BCR: variants seen among roughly 807,000 people sequenced by gnomAD.
BCR encodes BCR activator of RhoGEF and GTPase, also known as breakpoint cluster region protein.
A neutral mutation model predicts 138.6 loss-of-function variants in BCR; 58 were observed. The ratio of observed to expected loss-of-function variants is 0.42; its 90% CI spans 0.34 to 0.52. BCR has a LOEUF of 0.52. Among genes scored for constraint, BCR ranks in the 20% least tolerant of loss-of-function variants. The pLI is 0.06. For missense variants in BCR, 1,599 were observed against 1,727.2 expected (o/e 0.93, Z 1.32); for synonymous variants, 786 against 730.1 (o/e 1.08, Z -1.23).
chr22:23,242,302 A>C (rs1196917411), intron 1 of BCR, among the ~76,000 whole-genome samples: 3 of 152,166 alleles, frequency 2.0e-5, no homozygotes, highest in Non-Finnish European at 4.4e-5. Context: ...TTACTTTGTT[A>C]AAGCATATTT....
Position 23,217,398 on chromosome 22 carries a change from G to A in BCR, c.1279+35159G>A, listed in dbSNP as rs149891695. 9.4e-4 allele frequency among the ~76,000 whole-genome samples: 143 copies of A among 152,324 alleles called. 4 individuals carry two copies. In the East Asian group the frequency reaches 0.026, roughly 28 times the overall value. ...CCAGAGATAGTGACCACACCATGGGGTACCTTCAAGCTCTGGTGCTCTCTC... is the reference window on the plus strand; with the variant it reads ...CCAGAGATAGTGACCACACCATGGGATACCTTCAAGCTCTGGTGCTCTCTC... On this transcript the variant is annotated intron_variant, in intron 1 of 22. Coordinates refer to ENST00000305877, the MANE Select transcript of BCR (RefSeq NM_004327.4).
Position 23,181,628 on chromosome 22 carries a change from TG to T in BCR, c.673del (p.Asp225MetfsTer27). 1 of 1,611,160 alleles carries T rather than the reference TG, an allele frequency of 6.2e-7. No homozygotes were observed. The part of the protein sequence containing the change: ...KKSQHGAGSS[V>X]GDASRPPYRG... Reference sequence around the variant, plus strand: ...TCCCAGCACGGCGCGGGCTCGAGCGTGGGGGATGCATCCAGGCCCCCTTACC... The same window carrying T: ...TCCCAGCACGGCGCGGGCTCGAGCGTGGGGATGCATCCAGGCCCCCTTACC... On this transcript the variant is annotated frameshift_variant, in exon 1 of 23. Transcript: ENST00000305877. LOFTEE classifies it high-confidence loss of function.
At chr22:23,305,875 C>G (rs563954628) in intron 16 of BCR, among the ~76,000 whole-genome samples, 12 of 152,264 alleles carry the variant, frequency 7.9e-5, no homozygotes, top group African/African-American at 2.6e-4. Flanking sequence ...ATCCGGAGTG[C>G]CTCGGTTTTT....
chr22:23,216,880 G>A (rs2072760023), intron 1 of BCR: 1 of 245,680 alleles, frequency 4.1e-6, no homozygotes, highest in Non-Finnish European at 8.5e-6. Context: ...AGCAAAGGTG[G>A]ATGCTGCAGG....
chr22:23,216,530 A>G (rs1371721707), intron 1 of BCR, among the ~76,000 whole-genome samples: 2 of 152,258 alleles, frequency 1.3e-5, no homozygotes, highest in East Asian at 1.9e-4. Context: ...AACGTGGAAC[A>G]TTGTCATAAG....
chr22:23,314,985 G>A (rs1193370603), intron 22 of BCR, among the ~76,000 whole-genome samples: 1 of 152,238 alleles, frequency 6.6e-6, no homozygotes, highest in African/African-American at 2.4e-5. Flanking sequence ...AGCACTTTGG[G>A]AGGCCAAGGC....
intron 2 of BCR, among the ~76,000 whole-genome samples, chr22:23,256,991 G>A (rs2073301906): frequency 6.6e-6 from 1 of 151,918 alleles, no homozygotes; most frequent in African/African-American, 2.4e-5. Context: ...TTTACCTCCG[G>A]CTTCCTACCC....
chr22:23,259,987 C>CA (rs1299783603), intron 2 of BCR, among the ~76,000 whole-genome samples: 23 of 150,836 alleles, frequency 1.5e-4, no homozygotes, highest in Non-Finnish European at 3.0e-4. Context: ...GACATCGTCT[C>CA]AAAAAAAACA....
At chr22:23,307,542 TCTGA>T (rs1255429004) in intron 16 of BCR, 2 of 151,286 alleles carry the variant, frequency 1.3e-5, no homozygotes, top group African/African-American at 2.4e-5. Context: ...TATGTGTGGT[TCTGA>T]CTGACCGCTC....
At chr22:23,314,214 T>C in intron 21 of BCR, 141 bp downstream of exon 21, 9 of 700,624 alleles carry the variant, frequency 1.3e-5, no homozygotes, top group Non-Finnish European at 2.2e-5. Context: ...TGGCGACTAG[T>C]GCCACTGCCA....
chr22:23,219,904 C>CCTGCATCAT (rs3055954), intron 1 of BCR, among the ~76,000 whole-genome samples: 1 of 151,490 alleles, frequency 6.6e-6, no homozygotes, highest in African/African-American at 2.4e-5. Context: ...ATGCCTCCTT[C>CCTGCATCAT]CTGGGCTCCC....
chr22:23,211,885 C>T (rs902254286), intron 1 of BCR, among the ~76,000 whole-genome samples: 13 of 152,264 alleles, frequency 8.5e-5, no homozygotes, highest in African/African-American at 2.9e-4. Flanking sequence ...TCCTCAGTTC[C>T]TTCTTGAGCC....
rs749659411 is a variant in BCR, at chr22:23,289,512, C to G, written c.2603-5C>G. 1 of 1,613,510 alleles carries G rather than the reference C, an allele frequency of 6.2e-7. No homozygotes were observed. Among genetic ancestry groups the G allele is most frequent in the East Asian group, 2.2e-5 (1 of 44,886 alleles). On this transcript the variant is annotated splice_region_variant and splice_polypyrimidine_tract_variant and intron_variant, in intron 12 of 22. Transcript: ENST00000305877. ...AATTGGTGCACCTCTTTTCCAACCT[C>G]CCAGGTTTCAGAAGCTTCTCCCTGA...
chr22:23,294,026 C>G (rs987472379), intron 15 of BCR, among the ~76,000 whole-genome samples: 1 of 152,220 alleles, frequency 6.6e-6, no homozygotes, highest in Non-Finnish European at 1.5e-5. Flanking sequence ...AAGTCCCTCT[C>G]CCTCCTGTAT....
At chr22:23,258,413 C>G (rs1472796691) in intron 2 of BCR, among the ~76,000 whole-genome samples, 2 of 152,176 alleles carry the variant, frequency 1.3e-5, no homozygotes, top group African/African-American at 4.8e-5. Flanking sequence ...GCAGGCCAGG[C>G]CCTGGGCACT....
intron 9 of BCR, among the ~76,000 whole-genome samples, chr22:23,284,758 A>G (rs981954846): frequency 1.3e-5 from 2 of 152,178 alleles, no homozygotes; most frequent in Admixed American, 6.5e-5. Context: ...GTGCTCCCAC[A>G]TGAGCCTTCA....
chr22:23,282,702 G>A (rs193078603), intron 8 of BCR, among the ~76,000 whole-genome samples: 17 of 152,184 alleles, frequency 1.1e-4, no homozygotes, highest in Admixed American at 5.2e-4. Context: ...ATCACTTCTC[G>A]AGATGAGGAC....
At chr22:23,305,113 T>TAA (rs131687) in intron 16 of BCR, among the ~76,000 whole-genome samples, 2 of 141,420 alleles carry the variant, frequency 1.4e-5, no homozygotes, top group African/African-American at 2.6e-5. Context: ...GACTCCGCCT[T>TAA]AAAAAAAAAA....
chr22:23,181,539 C>T lies in BCR; in HGVS notation c.579C>T (p.Asp193=), dbSNP rs919983222. The change falls in exon 1 of 23, where the codon GAC becomes GAT. Residue 193 remains aspartate (D), a synonymous_variant. Transcript: ENST00000305877. ...AGCGCGGCCTGGTGAAGGTCAACGACAAAGAGGTGTCGGACCGCATCAGCT... is the reference window on the plus strand; with the variant it reads ...AGCGCGGCCTGGTGAAGGTCAACGATAAAGAGGTGTCGGACCGCATCAGCT... The part of the protein sequence containing the change: ...HHERGLVKVN[D]KEVSDRISSL... The T allele has an allele frequency of 5.0e-6, 8 of 1,612,886 alleles. No homozygotes were observed. The highest frequency in any genetic ancestry group is 5.9e-6 in the Non-Finnish European group (7 of 1,179,984).
Sources: allele counts gnomAD v4.1 joint callset (sites outside exome capture counted in the v4.1 genomes callset), GRCh38; gene constraint gnomAD v4.1.1; transcripts MANE v1.5; gene names NCBI Gene and HGNC (gene_info 2026-07-23, HGNC 2026-07-21).